Variants in CGNL1 observed in about 807,000 individuals in gnomAD.
The protein encoded by CGNL1 is cingulin-like protein 1.
In CGNL1, 132 loss-of-function variants were observed where a neutral mutation model predicts 141.2. That is an observed-to-expected ratio of 0.93 (90% CI 0.81 to 1.08). The LOEUF is 1.08. CGNL1 is among the 50% of genes least tolerant of loss of function. The pLI, the probability that CGNL1 is intolerant of heterozygous loss-of-function variation, is 0.00. For synonymous variants in CGNL1, 690 were observed against 622.1 expected (o/e 1.11, Z -1.63); for missense variants, 1,870 against 1,588.6 (o/e 1.18, Z -3.01).
At chr15:57,388,416 G>A (rs1434426572) in intron 1 of CGNL1, among the ~76,000 whole-genome samples, 2 of 152,192 alleles carry the variant, frequency 1.3e-5, no homozygotes. Context: ...ATTTGTAGAG[G>A]TTGCCAAGGT....
At chr15:57,389,094 G>A (rs1294433280) in intron 1 of CGNL1, among the ~76,000 whole-genome samples, 13 of 151,560 alleles carry the variant, frequency 8.6e-5, no homozygotes, top group South Asian at 2.1e-4. Flanking sequence ...AAAATAATTC[G>A]TGATCAGTGG....
At chr15:57,426,101 G>T (rs2062970162) in intron 1 of CGNL1, among the ~76,000 whole-genome samples, 2 of 152,004 alleles carry the variant, frequency 1.3e-5, no homozygotes, top group Admixed American at 6.6e-5. Flanking sequence ...AGATCAGAGA[G>T]GAAGGGATTC....
chr15:57,470,893 G>T (rs1194474081), intron 8 of CGNL1, among the ~76,000 whole-genome samples: 1 of 152,178 alleles, frequency 6.6e-6, no homozygotes, highest in Admixed American at 6.5e-5. Flanking sequence ...TCTGTGAGTT[G>T]ACACCCTAAG....
intron 8 of CGNL1, among the ~76,000 whole-genome samples, chr15:57,465,417 G>C (rs1323647178): frequency 1.7e-5 from 2 of 117,802 alleles, no homozygotes; most frequent in South Asian, 5.8e-4. Context: ...TTAAGATGGA[G>C]TCTCACTCTG....
intron 8 of CGNL1, among the ~76,000 whole-genome samples, chr15:57,485,620 A>T (rs527502838): frequency 1.3e-5 from 2 of 152,250 alleles, no homozygotes; most frequent in African/African-American, 4.8e-5. Flanking sequence ...TTCCCATTCA[A>T]ATTGTAATTG....
At chr15:57,522,739 T>A (rs1047977780) in intron 10 of CGNL1, among the ~76,000 whole-genome samples, 5 of 152,232 alleles carry the variant, frequency 3.3e-5, no homozygotes, top group African/African-American at 1.2e-4. Context: ...CTTTGTGAGA[T>A]GAGAGCCTCA....
Position 57,461,676 on chromosome 15 carries a change from C to G in CGNL1, c.2191-4C>G. The G allele has an allele frequency of 6.2e-7, 1 of 1,613,440 alleles. No homozygotes were observed. Among genetic ancestry groups the G allele is most frequent in the Admixed American group, 1.7e-5 (1 of 60,012 alleles). ...CCTTCTCCCTTCGTGTTTCCTCTCT[C>G]TAGGAGCTCTTACAGGCAAAACAGG... On this transcript the variant is annotated splice_region_variant and splice_polypyrimidine_tract_variant and intron_variant, in intron 7 of 18. Coordinates refer to ENST00000281282, the MANE Select transcript of CGNL1 (RefSeq NM_032866.5).
chr15:57,396,172 T>G (rs1345161236), intron 1 of CGNL1, among the ~76,000 whole-genome samples: 1 of 152,230 alleles, frequency 6.6e-6, no homozygotes, highest in Non-Finnish European at 1.5e-5. Flanking sequence ...ATTGTATAGT[T>G]TAATGTACAA....
chr15:57,486,799 G>T (rs1247390779), intron 8 of CGNL1, among the ~76,000 whole-genome samples: 18 of 152,186 alleles, frequency 1.2e-4, no homozygotes, highest in Admixed American at 1.2e-3. Context: ...CAAGAGAAAG[G>T]CTAGGCTGAA....
intron 1 of CGNL1, among the ~76,000 whole-genome samples, chr15:57,421,003 G>T (rs542536490): frequency 3.9e-5 from 6 of 152,308 alleles, no homozygotes; most frequent in African/African-American, 1.4e-4. Context: ...CCAAGGTTAC[G>T]GTATTTGAAG....
Position 57,442,182 on chromosome 15 carries a change from G to GAAAAAAAAAAAAAAAAA in CGNL1, c.1698-186_1698-170dup, listed in dbSNP as rs61564944. On this transcript the variant is annotated intron_variant, in intron 3 of 18. Transcript: ENST00000281282. ...TTGAGTGGTAACACATCATTTATTT[G>GAAAAAAAAAAAAAAAAA]AAAAAAAAAAAAAAAAAAAAAGACA... Among the ~76,000 whole-genome samples, 51 of 96,506 alleles carry GAAAAAAAAAAAAAAAAA rather than the reference G, an allele frequency of 5.3e-4. 5 individuals carry two copies. Among genetic ancestry groups the GAAAAAAAAAAAAAAAAA allele is most frequent in the African/African-American group, 1.9e-3 (44 of 23,296 alleles). 63.3% of individuals were successfully genotyped at this position (96,506 alleles called of 152,430 possible).
chr15:57,452,329 C>G, intron 6 of CGNL1, 40 bp downstream of exon 6: 3 of 1,583,816 alleles, frequency 1.9e-6, no homozygotes, highest in Non-Finnish European at 2.6e-6. Context: ...TTCCCAGGTT[C>G]TCTATGACAT....
At chr15:57,500,656 G>GGA (rs1555445246) in intron 8 of CGNL1, among the ~76,000 whole-genome samples, 3 of 151,814 alleles carry the variant, frequency 2.0e-5, no homozygotes, top group African/African-American at 4.9e-5. Flanking sequence ...AAGACTTTGG[G>GGA]AAAAAAAAGC....
intron 1 of CGNL1, among the ~76,000 whole-genome samples, chr15:57,388,549 G>T (rs1474912494): frequency 6.6e-6 from 1 of 152,226 alleles, no homozygotes; most frequent in Non-Finnish European, 1.5e-5. Flanking sequence ...GGTAGCTGTA[G>T]ATATGTGTGC....
Position 57,438,873 on chromosome 15 carries a change from C to A in CGNL1, c.874C>A (p.Arg292=), listed in dbSNP as rs757961730. ...DSAGPVLDGA[R]SRRSSSSSTT... is the part of the protein sequence containing the mutation. ...AGCGGGACCCGTCCTGGATGGAGCT[C>A]GGTCCCGGAGGTCCTCCTCGTCATC... The change falls in exon 2 of 19, where the codon CGG becomes AGG. Residue 292 remains arginine (R), a synonymous_variant. Coordinates refer to ENST00000281282, the MANE Select transcript of CGNL1 (RefSeq NM_032866.5). 6.2e-7 allele frequency: 1 copy of A among 1,614,034 alleles called. No individual in the cohort carries two copies. The highest frequency in any genetic ancestry group is 1.3e-5 in the African/African-American group (1 of 74,918).
intron 8 of CGNL1, among the ~76,000 whole-genome samples, chr15:57,487,781 C>T (rs1302334785): frequency 2.0e-5 from 3 of 152,212 alleles, no homozygotes; most frequent in Admixed American, 6.5e-5. Context: ...CAAATGCTGC[C>T]AGATAGGCTA....
intron 1 of CGNL1, among the ~76,000 whole-genome samples, chr15:57,400,604 C>T (rs928513402): frequency 1.1e-4 from 16 of 152,028 alleles, no homozygotes; most frequent in Admixed American, 3.3e-4. Flanking sequence ...CATGTTTGTG[C>T]GGGCATGGTG....
chr15:57,453,287 A>G (rs1460692441), intron 6 of CGNL1, among the ~76,000 whole-genome samples: 1 of 152,192 alleles, frequency 6.6e-6, no homozygotes, highest in Non-Finnish European at 1.5e-5. Flanking sequence ...ACAGACCATA[A>G]TTTGCCAACT....
intron 4 of CGNL1, 139 bp from the exon 5 acceptor site, chr15:57,451,361 G>T: frequency 3.3e-6 from 2 of 610,934 alleles, no homozygotes; most frequent in South Asian, 2.6e-5. Context: ...CCCTGAAGGG[G>T]TTGATGTTTG....
Sources: gnomAD v4.1 joint callset for allele counts (sites outside exome capture counted in the v4.1 genomes callset) on GRCh38, gnomAD v4.1.1 for gene constraint, MANE v1.5 for transcripts, NCBI Gene and HGNC (gene_info 2026-07-23, HGNC 2026-07-21) for gene names.